TAMM41: variants seen among roughly 807,000 people sequenced by gnomAD.
TAMM41 encodes the protein phosphatidate cytidylyltransferase, mitochondrial.
Under a neutral mutation model 44.1 loss-of-function variants are expected in TAMM41, and 36 were observed. That is an observed-to-expected ratio of 0.82 (90% CI 0.63 to 1.08). The LOEUF (loss-of-function observed/expected upper bound fraction) is 1.08, where lower values mean the gene tolerates loss of function less well. Ranked by LOEUF, TAMM41 falls within the 50% of genes least tolerant of loss-of-function variation. The pLI, the probability that TAMM41 is intolerant of heterozygous loss-of-function variation, is 0.00. For missense variants in TAMM41, 417 were observed against 404.3 expected (o/e 1.03, Z -0.27); for synonymous variants, 164 against 153.1 (o/e 1.07, Z -0.53).
the TAMM41 span, among the ~76,000 whole-genome samples, chr3:11,748,852 G>T: frequency 2.1e-4 from 32 of 151,666 alleles, 1 homozygote; most frequent in East Asian, 5.6e-3. Context: ...GGTCCCAGGG[G>T]TTCCTGCTTG....
chr3:11,828,983 T>C (rs748273221), intron 4 of TAMM41, among the ~76,000 whole-genome samples: 1 of 152,164 alleles, frequency 6.6e-6, no homozygotes, highest in Admixed American at 6.5e-5. Context: ...GTTTTGTAAA[T>C]GAAATCTTAA....
chr3:11,799,915 G>A (rs1478570943), intron 7 of TAMM41, among the ~76,000 whole-genome samples: 3 of 152,122 alleles, frequency 2.0e-5, no homozygotes, highest in Non-Finnish European at 4.4e-5. Flanking sequence ...AACCTTAAAG[G>A]CCAGAAGAGA....
chr3:11,806,707 T>C (rs1486253129), intron 7 of TAMM41, among the ~76,000 whole-genome samples: 2 of 152,198 alleles, frequency 1.3e-5, no homozygotes, highest in Admixed American at 6.5e-5. Flanking sequence ...TTTTCTTATA[T>C]GCTTATATTC....
intron 4 of TAMM41, among the ~76,000 whole-genome samples, chr3:11,827,527 T>G (rs1350078894): frequency 6.6e-6 from 1 of 151,604 alleles, no homozygotes; most frequent in East Asian, 1.9e-4. Context: ...CAGGCTGGTC[T>G]TGAACTCCTG....
chr3:11,767,978 G>C, the TAMM41 span, among the ~76,000 whole-genome samples: 3 of 150,982 alleles, frequency 2.0e-5, no homozygotes, highest in African/African-American at 7.3e-5. Flanking sequence ...GCAAATCAAA[G>C]CCACAGTAAG....
At position 11,791,798 on chromosome 3, in the gene TAMM41, G is replaced by A. The variant is rs192864349; in HGVS notation, c.938-1217C>T. Among the ~76,000 whole-genome samples the A allele has an allele frequency of 3.1e-3, 467 of 152,212 alleles. 3 individuals carry two copies. The highest frequency in any genetic ancestry group is 1.0e-2 in the African/African-American group (415 of 41,514). The stretch of plus-strand genomic sequence containing the variant: ...GAATACTTCCAGACACTCTGGCTTC[G>A]TTTGTCTACCAGCTGACTACTTGCA... On this transcript the variant is annotated intron_variant, in intron 7 of 7. Coordinates refer to ENST00000455809, the MANE Select transcript of TAMM41 (RefSeq NM_001284401.2).
the TAMM41 span, among the ~76,000 whole-genome samples, chr3:11,756,447 C>A: frequency 6.6e-6 from 1 of 152,178 alleles, no homozygotes; most frequent in Non-Finnish European, 1.5e-5. Flanking sequence ...AGTTAATATT[C>A]ACAATGACTC....
chr3:11,838,702 C>CTT (rs11387642), intron 3 of TAMM41, among the ~76,000 whole-genome samples: 17 of 151,820 alleles, frequency 1.1e-4, no homozygotes, highest in Middle Eastern at 3.2e-3. Flanking sequence ...TCAGAACCCC[C>CTT]TTTTTTTTAT....
intron 6 of TAMM41, chr3:11,809,280 C>T: frequency 3.8e-6 from 2 of 523,550 alleles, no homozygotes; most frequent in East Asian, 3.6e-5. Flanking sequence ...ATTGTTTCTC[C>T]CTTTGACAGT....
At chr3:11,732,544 T>A in the TAMM41 span, among the ~76,000 whole-genome samples, 3 of 152,128 alleles carry the variant, frequency 2.0e-5, no homozygotes, top group Admixed American at 2.0e-4. Flanking sequence ...AAAGAGATCA[T>A]TCGAAATAGT....
intron 4 of TAMM41, 52 bp from the exon 5 acceptor site, chr3:11,817,389 G>C (rs962859255): frequency 2.6e-6 from 4 of 1,566,338 alleles, no homozygotes; most frequent in Non-Finnish European, 3.5e-6. Context: ...CCACACTCTC[G>C]ACCTATGAAC....
the TAMM41 span, among the ~76,000 whole-genome samples, chr3:11,751,005 C>T: frequency 6.6e-6 from 1 of 151,766 alleles, no homozygotes; most frequent in Non-Finnish European, 1.5e-5. Flanking sequence ...AGCACAATGT[C>T]AACCACAGGT....
Position 11,825,404 on chromosome 3 carries a change from G to A in TAMM41, c.562+4310C>T, listed in dbSNP as rs199819031. ...AGCAGGCTTCCAAAGTCCTGAGGCA[G>A]TCAGCTCCCATATGCTGATACAACC... On this transcript the variant is annotated intron_variant, in intron 4 of 7. Coordinates refer to ENST00000455809, the MANE Select transcript of TAMM41 (RefSeq NM_001284401.2). Among the ~76,000 whole-genome samples, 6 of 152,284 alleles carry A rather than the reference G, an allele frequency of 3.9e-5. No individual in the cohort carries two copies. In the East Asian group the frequency reaches 1.2e-3, roughly 29 times the overall value.
At chr3:11,767,182 C>T in the TAMM41 span, among the ~76,000 whole-genome samples, 1 of 152,114 alleles carries the variant, frequency 6.6e-6, no homozygotes, top group African/African-American at 2.4e-5. Context: ...AATTCTCGTG[C>T]CTCAGCCTCC....
intron 1 of TAMM41, chr3:11,845,050 T>C (rs984398837): frequency 4.4e-6 from 2 of 453,826 alleles, no homozygotes; most frequent in Non-Finnish European, 8.9e-6. Flanking sequence ...GAAAGTGCTC[T>C]GTGGATATGG....
intron 1 of TAMM41, among the ~76,000 whole-genome samples, chr3:11,845,290 AC>A (rs2079632601): frequency 6.6e-6 from 1 of 152,118 alleles, no homozygotes; most frequent in Admixed American, 6.5e-5. Flanking sequence ...AAGGATGGGG[AC>A]TGATGTGAGA....
At chr3:11,729,991 A>C in the TAMM41 span, among the ~76,000 whole-genome samples, 3 of 152,208 alleles carry the variant, frequency 2.0e-5, no homozygotes, top group African/African-American at 7.2e-5. Context: ...GCAGTGCAAC[A>C]CTAGGATGCA....
At chr3:11,839,691 G>C (rs1184469478) in intron 2 of TAMM41, among the ~76,000 whole-genome samples, 2 of 152,178 alleles carry the variant, frequency 1.3e-5, no homozygotes, top group Admixed American at 6.5e-5. Context: ...TTTAAAGCAA[G>C]GATGATAATA....
chr3:11,827,113 G>T (rs552997648), intron 4 of TAMM41, among the ~76,000 whole-genome samples: 20 of 152,244 alleles, frequency 1.3e-4, no homozygotes, highest in African/African-American at 4.1e-4. Flanking sequence ...GTTCTTCAGG[G>T]TATGGAATGC....
Sources: gnomAD v4.1 joint callset for allele counts (sites outside exome capture counted in the v4.1 genomes callset) on GRCh38, gnomAD v4.1.1 for gene constraint, MANE v1.5 for transcripts, NCBI Gene and HGNC (gene_info 2026-07-23, HGNC 2026-07-21) for gene names.